Variants in SLC5A4 observed in about 807,000 individuals in gnomAD.
SLC5A4 encodes probable glucose sensor protein SLC5A4.
A neutral mutation model predicts 70.3 loss-of-function variants in SLC5A4; 55 were observed. That is an observed-to-expected ratio of 0.78 (90% CI 0.63 to 0.98). The LOEUF is 0.98. SLC5A4 is among the 50% of genes least tolerant of loss of function. The pLI is 0.00. For synonymous variants in SLC5A4, 268 were observed against 305.7 expected (o/e 0.88, Z 1.29); for missense variants, 735 against 839.2 (o/e 0.88, Z 1.53).
chr22:32,238,954 C>T (rs5998332), intron 6 of SLC5A4, 31 bp downstream of exon 6: 31 of 1,508,678 alleles, frequency 2.1e-5, no homozygotes, highest in African/African-American at 4.1e-5. Flanking sequence ...CAAAAGATAG[C>T]CTGAGTGAGC....
chr22:32,290,846 C>A, the SLC5A4 span, among the ~76,000 whole-genome samples: 57 of 152,298 alleles, frequency 3.7e-4, no homozygotes, highest in African/African-American at 1.3e-3. Context: ...TAATCCCATT[C>A]ATGAGGGTTC....
At chr22:32,349,468 C>T in the SLC5A4 span, among the ~76,000 whole-genome samples, 1 of 152,168 alleles carries the variant, frequency 6.6e-6, no homozygotes, top group Non-Finnish European at 1.5e-5. Context: ...CAGCTCCAAA[C>T]CACATAATCT....
At chr22:32,326,634 C>A in the SLC5A4 span, among the ~76,000 whole-genome samples, 1 of 152,068 alleles carries the variant, frequency 6.6e-6, no homozygotes, top group Non-Finnish European at 1.5e-5. Context: ...TAAATGTGTC[C>A]CTGCAAACAG....
chr22:32,310,717 A>T, the SLC5A4 span, among the ~76,000 whole-genome samples: 1 of 152,258 alleles, frequency 6.6e-6, no homozygotes, highest in African/African-American at 2.4e-5. Flanking sequence ...GACCCTGGGC[A>T]AGCCACTTGA....
At chr22:32,241,322 A>G (rs1160923038) in intron 5 of SLC5A4, among the ~76,000 whole-genome samples, 24 of 152,246 alleles carry the variant, frequency 1.6e-4, no homozygotes, top group Non-Finnish European at 7.3e-5. Flanking sequence ...CAAGCTCTCA[A>G]AACTAACAGC....
intron 10 of SLC5A4, among the ~76,000 whole-genome samples, chr22:32,230,471 C>G (rs738206): frequency 0.014 from 2,061 of 152,220 alleles, 20 homozygotes; most frequent in Non-Finnish European, 0.021. Context: ...TTTGTTAGCA[C>G]CAAAGCAGTG....
At chr22:32,292,388 C>G in the SLC5A4 span, among the ~76,000 whole-genome samples, 264 of 146,306 alleles carry the variant, frequency 1.8e-3, no homozygotes, top group African/African-American at 6.2e-3. Context: ...TATGTACATA[C>G]TAGATATATA....
At chr22:32,229,462 A>G in intron 10 of SLC5A4, 118 bp from the exon 11 acceptor site, 1 of 998,198 alleles carries the variant, frequency 1.0e-6, no homozygotes, top group Non-Finnish European at 1.4e-6. Context: ...TGTCCTTATC[A>G]ATACACATCA....
At chr22:32,270,208 A>G in the SLC5A4 span, 2 of 669,066 alleles carry the variant, frequency 3.0e-6, no homozygotes, top group South Asian at 1.5e-5. Context: ...GGTGTGTGAC[A>G]GCATCCTTAA....
intron 3 of SLC5A4, among the ~76,000 whole-genome samples, chr22:32,249,830 C>T (rs1927038139): frequency 6.6e-6 from 1 of 152,206 alleles, no homozygotes; most frequent in South Asian, 2.1e-4. Flanking sequence ...ACTTGTCCAA[C>T]CTGTGGCCCA....
At chr22:32,258,227 C>T (rs184949596), upstream of SLC5A4, among the ~76,000 whole-genome samples, 149 of 152,262 alleles carry the variant, frequency 9.8e-4, no homozygotes, top group African/African-American at 3.5e-3. Context: ...GATCTCATGT[C>T]ATCTGTGAAT....
At chr22:32,260,764 T>C in the SLC5A4 span, among the ~76,000 whole-genome samples, 2 of 152,064 alleles carry the variant, frequency 1.3e-5, no homozygotes, top group African/African-American at 4.8e-5. Flanking sequence ...CAAATCCAGG[T>C]ATGGGACCAG....
chr22:32,279,345 T>C, the SLC5A4 span, among the ~76,000 whole-genome samples: 1 of 152,238 alleles, frequency 6.6e-6, no homozygotes. Context: ...AAAAAGTTTA[T>C]GCCCTGTGCT....
the SLC5A4 span, among the ~76,000 whole-genome samples, chr22:32,334,347 A>G: frequency 3.0e-4 from 45 of 152,186 alleles, no homozygotes; most frequent in African/African-American, 9.9e-4. Context: ...CCTGGTCAGC[A>G]GCAACACCAC....
intron 5 of SLC5A4, among the ~76,000 whole-genome samples, chr22:32,244,106 A>C (rs1199800510): frequency 6.6e-6 from 1 of 152,262 alleles, no homozygotes; most frequent in Admixed American, 6.5e-5. Flanking sequence ...GATGTTGGCC[A>C]AAAACCTGTT....
At chr22:32,328,061 C>T in the SLC5A4 span, among the ~76,000 whole-genome samples, 4 of 150,940 alleles carry the variant, frequency 2.7e-5, no homozygotes, top group Non-Finnish European at 5.9e-5. Flanking sequence ...CCTTGGACGA[C>T]GTCCCCAACA....
the SLC5A4 span, among the ~76,000 whole-genome samples, chr22:32,309,645 G>C: frequency 1.3e-5 from 2 of 151,982 alleles, no homozygotes; most frequent in Admixed American, 1.3e-4. Context: ...ACACCACTGG[G>C]GGATTGAATA....
intron 1 of SLC5A4, 55 bp downstream of exon 1, chr22:32,255,140 G>A (rs1927403009): frequency 6.4e-7 from 1 of 1,552,402 alleles, no homozygotes; most frequent in Non-Finnish European, 8.8e-7. Flanking sequence ...CCCCCCTTAA[G>A]ATACCCCCTC....
the SLC5A4 span, among the ~76,000 whole-genome samples, chr22:32,353,560 A>C: frequency 6.6e-6 from 1 of 151,968 alleles, no homozygotes; most frequent in Non-Finnish European, 1.5e-5. Flanking sequence ...CCCGTCACTG[A>C]CACCACCAGC....
Sources: allele counts gnomAD v4.1 joint callset (sites outside exome capture counted in the v4.1 genomes callset), GRCh38; gene constraint gnomAD v4.1.1; transcripts MANE v1.5; gene names NCBI Gene and HGNC (gene_info 2026-07-23, HGNC 2026-07-21).